TFCP2: variants seen among roughly 807,000 people sequenced by gnomAD.
The protein encoded by TFCP2 is transcription factor CP2.
In TFCP2, 33 loss-of-function variants were observed where a neutral mutation model predicts 73.4. The observed-to-expected ratio is 0.45, with a 90% CI of 0.34 to 0.60. TFCP2 has a LOEUF of 0.60. TFCP2 is among the 20% of genes least tolerant of loss of function. TFCP2 has a pLI of 0.01. For synonymous variants in TFCP2, 193 were observed against 211.6 expected, an observed-to-expected ratio of 0.91 and a Z score of 0.76; for missense variants, 352 against 604.0, an observed-to-expected ratio of 0.58 and a Z score of 4.37.
chr12:51,162,304 G>A (rs1209464865), intron 1 of TFCP2, among the ~76,000 whole-genome samples: 2 of 152,060 alleles, frequency 1.3e-5, no homozygotes, highest in Non-Finnish European at 2.9e-5. Flanking sequence ...AAATTCGCCA[G>A]GCGTGGTAGC....
At chr12:51,106,427 ATATACT>A (rs1457970292) in intron 8 of TFCP2, 92 bp downstream of exon 8, 3 of 852,852 alleles carry the variant, frequency 3.5e-6, no homozygotes, top group East Asian at 5.5e-5. Flanking sequence ...GACCAAATAG[ATATACT>A]TATTGATTTA....
rs535033804 is a variant in TFCP2 at position 51,145,552 on chromosome 12, G to A, written c.122+26749C>T. Among the ~76,000 whole-genome samples, 27 of 117,558 alleles carry A rather than the reference G, an allele frequency of 2.3e-4. 1 individual carries two copies. In the South Asian group the frequency reaches 8.9e-3, roughly 39 times the overall value. 77.1% of individuals were successfully genotyped at this position (117,558 alleles called of 152,430 possible). Reference sequence around the variant, plus strand: ...CTCACTGCATTCCAGCCTGGGTGATGGAGTAAGACTATCTCAAAAAAAAAA... The same window carrying A: ...CTCACTGCATTCCAGCCTGGGTGATAGAGTAAGACTATCTCAAAAAAAAAA... On this transcript the variant is annotated intron_variant, in intron 1 of 14. Transcript: ENST00000257915.
intron 11 of TFCP2, 72 bp downstream of exon 11, chr12:51,101,863 T>C (rs901098018): frequency 4.4e-6 from 4 of 919,094 alleles, no homozygotes; most frequent in Middle Eastern, 2.5e-4. Flanking sequence ...GTGTAGAGTA[T>C]TGTGAAGAAT....
At chr12:51,166,646 C>T (rs1344275483) in intron 1 of TFCP2, among the ~76,000 whole-genome samples, 2 of 152,116 alleles carry the variant, frequency 1.3e-5, no homozygotes, top group Admixed American at 1.3e-4. Context: ...AGCAATGTAG[C>T]TCAATTACGC....
chr12:51,099,923 G>T, intron 11 of TFCP2, 144 bp from the exon 12 acceptor site: 3 of 985,992 alleles, frequency 3.0e-6, no homozygotes, highest in South Asian at 2.0e-5. Context: ...AATTTGCTAT[G>T]TTTTATTAGT....
At chr12:51,159,007 C>CAA (rs1390552711) in intron 1 of TFCP2, among the ~76,000 whole-genome samples, 15 of 15,496 alleles carry the variant, frequency 9.7e-4, no homozygotes, top group South Asian at 5.0e-3. Flanking sequence ...ACTAAAAATC[C>CAA]AAAAAAAAAA....
chr12:51,142,367 A>G (rs1941213944), intron 1 of TFCP2, among the ~76,000 whole-genome samples: 1 of 150,942 alleles, frequency 6.6e-6, no homozygotes, highest in Non-Finnish European at 1.5e-5. Context: ...TCTCCTGAAT[A>G]TTCTTCTTTA....
At chr12:51,122,341 C>T (rs1940703971) in intron 1 of TFCP2, among the ~76,000 whole-genome samples, 1 of 150,084 alleles carries the variant, frequency 6.7e-6, no homozygotes, top group Non-Finnish European at 1.5e-5. Context: ...TCACTGCAAC[C>T]CCTGCCTCCT....
rs1939922817 is a variant in TFCP2, at chr12:51,095,161, C to A, written c.*80G>T. 4 of 1,474,638 alleles carry A rather than the reference C, an allele frequency of 2.7e-6. No individual in the cohort carries two copies. The highest frequency in any genetic ancestry group is 3.8e-6 in the Non-Finnish European group (4 of 1,053,092). The allele number at this position is 1,474,638 out of a possible 1,614,324, so 91.3% of individuals were successfully genotyped here. A position where few individuals can be genotyped will look rare whatever the true frequency, so the allele number is the denominator to read the frequency against. On this transcript the variant is annotated 3_prime_UTR_variant, in exon 15 of 15. Transcript: ENST00000257915. Reference sequence around the variant, plus strand: ...GTCAGGTTCTTGCAGACCTTCAAATCTCCATTCATATCCCCCTTCAAGAGG... The same window carrying A: ...GTCAGGTTCTTGCAGACCTTCAAATATCCATTCATATCCCCCTTCAAGAGG...
chr12:51,100,275 A>C (rs960400641), intron 11 of TFCP2, among the ~76,000 whole-genome samples: 1 of 152,178 alleles, frequency 6.6e-6, no homozygotes, highest in Non-Finnish European at 1.5e-5. Context: ...CAACACAGTA[A>C]ACTAGATCAT....
At chr12:51,134,806 A>C (rs1941024732) in intron 1 of TFCP2, among the ~76,000 whole-genome samples, 1 of 152,252 alleles carries the variant, frequency 6.6e-6, no homozygotes, top group Non-Finnish European at 1.5e-5. Context: ...TATCTACTTA[A>C]ATAGATAATC....
chr12:51,149,129 G>A (rs900825201), intron 1 of TFCP2, among the ~76,000 whole-genome samples: 7 of 151,884 alleles, frequency 4.6e-5, no homozygotes, highest in African/African-American at 1.5e-4. Context: ...CGGCAAGCTG[G>A]ATGGAACTAG....
At position 51,167,800 on chromosome 12, in the gene TFCP2, T is replaced by A. The variant is rs557057113; in HGVS notation, c.122+4501A>T. ...ATAGGCCTGGGAACCGCGGCTGACA[T>A]GTGTAATTACAGCAATTTGGGAGGC... On this transcript the variant is annotated intron_variant, in intron 1 of 14. Coordinates refer to ENST00000257915, the MANE Select transcript of TFCP2 (RefSeq NM_005653.5). 2.0e-4 allele frequency among the ~76,000 whole-genome samples: 31 copies of A among 152,136 alleles called. 1 individual carries two copies. Among genetic ancestry groups the A allele is most frequent in the African/African-American group, 7.2e-4 (30 of 41,520 alleles).
intron 4 of TFCP2, among the ~76,000 whole-genome samples, chr12:51,113,616 C>G (rs1940452068): frequency 6.6e-6 from 1 of 152,112 alleles, no homozygotes; most frequent in Non-Finnish European, 1.5e-5. Context: ...TGAAATAGAA[C>G]AAAGTTGGAG....
chr12:51,103,641 G>A, intron 10 of TFCP2, 29 bp downstream of exon 10: 1 of 1,590,926 alleles, frequency 6.3e-7, no homozygotes, highest in African/African-American at 1.3e-5. Flanking sequence ...TTTCATGCTA[G>A]GGAAAACAAA....
intron 6 of TFCP2, among the ~76,000 whole-genome samples, 186 bp from the exon 7 acceptor site, chr12:51,107,532 A>G (rs1430283523): frequency 6.6e-6 from 1 of 152,198 alleles, no homozygotes; most frequent in Non-Finnish European, 1.5e-5. Flanking sequence ...GTTGAAAAGA[A>G]TCAGATCTAT....
At chr12:51,109,983 TG>T (rs1412411029) in intron 5 of TFCP2, among the ~76,000 whole-genome samples, 16 of 152,020 alleles carry the variant, frequency 1.1e-4, no homozygotes, top group Non-Finnish European at 7.4e-5. Context: ...CCTCCCAAAG[TG>T]CTGGGATTAC....
intron 1 of TFCP2, among the ~76,000 whole-genome samples, chr12:51,168,806 T>C (rs1015509406): frequency 3.2e-5 from 4 of 124,108 alleles, no homozygotes; most frequent in Non-Finnish European, 5.0e-5. Flanking sequence ...TTATTTTTAT[T>C]TCATTTTTTT....
chr12:51,141,830 T>C (rs1941198661), intron 1 of TFCP2, among the ~76,000 whole-genome samples: 1 of 143,030 alleles, frequency 7.0e-6, no homozygotes, highest in African/African-American at 2.6e-5. Context: ...CGTTTGAACC[T>C]GGGAGGCAGA....
Sources: allele counts gnomAD v4.1 joint callset (sites outside exome capture counted in the v4.1 genomes callset), GRCh38; gene constraint gnomAD v4.1.1; transcripts MANE v1.5; gene names NCBI Gene and HGNC (gene_info 2026-07-23, HGNC 2026-07-21).